Variants in RGS3 observed in about 807,000 individuals in gnomAD.
RGS3 encodes the protein regulator of G protein signaling 3, also known as regulator of G-protein signalling 3.
RGS3 carries 80 observed loss-of-function variants against 132.6 expected under a neutral mutation model. The observed-to-expected ratio is 0.60, with a 90% CI of 0.50 to 0.73. The LOEUF (loss-of-function observed/expected upper bound fraction) is 0.73, where lower values mean the gene tolerates loss of function less well. RGS3 is among the 30% of genes least tolerant of loss of function. The pLI is 0.00. For missense variants in RGS3, 1,382 were observed against 1,530.8 expected (o/e 0.90, Z 1.62); for synonymous variants, 598 against 620.6 (o/e 0.96, Z 0.54).
intron 21 of RGS3, chr9:113,592,700 C>G (rs1239136333): frequency 6.6e-5 from 10 of 152,140 alleles, no homozygotes; most frequent in African/African-American, 2.4e-4. Flanking sequence ...GTTGGCCAGG[C>G]TGTTCTCAAA....
intron 17 of RGS3, among the ~76,000 whole-genome samples, chr9:113,524,330 C>T (rs369965300): frequency 3.3e-5 from 5 of 152,196 alleles, no homozygotes; most frequent in East Asian, 1.9e-4. Context: ...CCCCTCCCTG[C>T]CCCCAGCCCA....
chr9:113,487,893 C>CA (rs1204737552), intron 7 of RGS3, among the ~76,000 whole-genome samples: 3 of 152,128 alleles, frequency 2.0e-5, no homozygotes, highest in Non-Finnish European at 2.9e-5. Flanking sequence ...GGTGCCGCGT[C>CA]AGATTAATTA....
At chr9:113,462,775 A>G (rs1391962198) in intron 3 of RGS3, among the ~76,000 whole-genome samples, 1 of 152,184 alleles carries the variant, frequency 6.6e-6, no homozygotes, top group African/African-American at 2.4e-5. Flanking sequence ...TCTGTCTTGC[A>G]TCTCCCCATC....
chr9:113,541,796 G>A (rs1832913785), intron 19 of RGS3: 1 of 998,122 alleles, frequency 1.0e-6, no homozygotes, highest in Admixed American at 6.0e-5. Flanking sequence ...GAAGAACAAT[G>A]CCATGATCTG....
chr9:113,492,950 C>A (rs138527000), intron 7 of RGS3, among the ~76,000 whole-genome samples: 2 of 152,136 alleles, frequency 1.3e-5, no homozygotes, highest in Non-Finnish European at 2.9e-5. Flanking sequence ...ATGAAGATTT[C>A]GCTTAGTGAA....
intron 19 of RGS3, among the ~76,000 whole-genome samples, chr9:113,546,450 C>T (rs141153414): frequency 3.9e-5 from 6 of 152,178 alleles, no homozygotes; most frequent in Non-Finnish European, 5.9e-5. Context: ...TATTGTTGTC[C>T]GGTCCGTAGT....
At chr9:113,450,099 TCG>T (rs1426320617) in intron 1 of RGS3, among the ~76,000 whole-genome samples, 3 of 150,566 alleles carry the variant, frequency 2.0e-5, no homozygotes, top group Non-Finnish European at 4.4e-5. Flanking sequence ...AGACAGAGTC[TCG>T]CTCTGTTGCC....
At chr9:113,500,844 C>T (rs908685669) in intron 10 of RGS3, among the ~76,000 whole-genome samples, 2 of 152,138 alleles carry the variant, frequency 1.3e-5, no homozygotes, top group African/African-American at 4.8e-5. Flanking sequence ...CCTGCCACCA[C>T]GCCCAGCTAA....
Position 113,463,991 on chromosome 9 carries a change from T to C in RGS3, c.415+1790T>C. Reference sequence around the variant, plus strand: ...AGGCTGGGAGCAGGTGCTCTTTCTATCTAGGGGCACCTTCTCTGGCCCCTT... The same window carrying C: ...AGGCTGGGAGCAGGTGCTCTTTCTACCTAGGGGCACCTTCTCTGGCCCCTT... On this transcript the variant is annotated intron_variant, in intron 3 of 24. Transcript: ENST00000350696. This position sits in a 1 kb window ranked among gnomAD's most constrained non-coding sequence, Gnocchi z 4.6. 1 of 1,132,194 alleles carries C rather than the reference T, an allele frequency of 8.8e-7. No homozygotes were observed. The allele number at this position is 1,132,194 out of a possible 1,614,324, so 70.1% of individuals were successfully genotyped here.
intron 19 of RGS3, chr9:113,581,038 G>GGGGGGGGGGGGGA: frequency 6.9e-6 from 1 of 145,840 alleles, no homozygotes; most frequent in Non-Finnish European, 1.5e-5. Context: ...GGGTCGGGGG[G>GGGGGGGGGGGGGA]AGGTCTGGCC....
chr9:113,573,720 C>T (rs1056329160), intron 19 of RGS3, among the ~76,000 whole-genome samples: 1 of 152,134 alleles, frequency 6.6e-6, no homozygotes, highest in African/African-American at 2.4e-5. Context: ...CTGCACTGCC[C>T]CTCCCAACAC....
intron 3 of RGS3, among the ~76,000 whole-genome samples, chr9:113,473,664 G>T (rs1401628280): frequency 2.0e-5 from 3 of 152,184 alleles, no homozygotes; most frequent in Non-Finnish European, 4.4e-5. Flanking sequence ...TGGGATTACA[G>T]GTGTGAGCCA....
chr9:113,512,339 C>T (rs577415669), intron 14 of RGS3, among the ~76,000 whole-genome samples: 2 of 152,254 alleles, frequency 1.3e-5, no homozygotes, highest in East Asian at 3.9e-4. Context: ...GTGACATCTT[C>T]CTTGTATCTG....
intron 19 of RGS3, among the ~76,000 whole-genome samples, chr9:113,559,283 A>C (rs1392076809): frequency 6.6e-6 from 1 of 152,260 alleles, no homozygotes; most frequent in Non-Finnish European, 1.5e-5. Flanking sequence ...GATTGCTCCC[A>C]AAAGCCCGAA....
chr9:113,514,965 G>A (rs959766042), intron 15 of RGS3, among the ~76,000 whole-genome samples: 2 of 152,066 alleles, frequency 1.3e-5, no homozygotes, highest in African/African-American at 4.8e-5. Flanking sequence ...ATGTCACAGG[G>A]ACTGTTTGCC....
At chr9:113,455,209 T>TA (rs2119148930) in intron 1 of RGS3, among the ~76,000 whole-genome samples, 1 of 152,376 alleles carries the variant, frequency 6.6e-6, no homozygotes, top group East Asian at 1.9e-4. Flanking sequence ...TACAATATCT[T>TA]AAAAACCATT....
At chr9:113,571,287 A>G (rs1286068418) in intron 19 of RGS3, among the ~76,000 whole-genome samples, 3 of 152,250 alleles carry the variant, frequency 2.0e-5, no homozygotes, top group African/African-American at 7.2e-5. Context: ...TTGCTGAGTC[A>G]TAGAGTTGTA....
At chr9:113,538,372 C>T (rs916809089) in intron 19 of RGS3, among the ~76,000 whole-genome samples, 2 of 152,146 alleles carry the variant, frequency 1.3e-5, no homozygotes, top group Non-Finnish European at 2.9e-5. Context: ...GAATCCAGGC[C>T]GCTTCCTCTT....
chr9:113,482,412 AG>A (rs1384835353), intron 4 of RGS3, among the ~76,000 whole-genome samples: 25 of 152,158 alleles, frequency 1.6e-4, no homozygotes, highest in Non-Finnish European at 1.5e-5. Context: ...AACTCACTCT[AG>A]CTTATATGGT....
Sources: allele counts gnomAD v4.1 joint callset (sites outside exome capture counted in the v4.1 genomes callset), GRCh38; gene constraint gnomAD v4.1.1; non-coding constraint Gnocchi (gnomAD v3.1); transcripts MANE v1.5; gene names NCBI Gene and HGNC (gene_info 2026-07-23, HGNC 2026-07-21).